The following GNB1L variants were observed in gnomAD, a reference collection of about 807,000 sequenced individuals.
GNB1L encodes the protein G protein subunit beta 1 like.
A neutral mutation model predicts 29.1 loss-of-function variants in GNB1L; 20 were observed. The observed-to-expected ratio is 0.69, with a 90% CI of 0.48 to 1.00. The LOEUF (loss-of-function observed/expected upper bound fraction) is 1.00, where lower values mean the gene tolerates loss of function less well. Among genes scored for constraint, GNB1L ranks in the 50% least tolerant of loss-of-function variants. GNB1L has a pLI of 0.00. For synonymous variants in GNB1L, 193 were observed against 206.5 expected, an observed-to-expected ratio of 0.93 and a Z score of 0.56; for missense variants, 421 against 464.9, an observed-to-expected ratio of 0.91 and a Z score of 0.87.
chr22:19,804,196 CT>C, intron 6 of GNB1L, among the ~76,000 whole-genome samples: 1 of 152,392 alleles, frequency 6.6e-6, no homozygotes, highest in East Asian at 1.9e-4. Flanking sequence ...TGCCCACAGC[CT>C]TGATGCTGCC....
chr22:19,815,479 C>T (rs1937520751), intron 4 of GNB1L, among the ~76,000 whole-genome samples: 3 of 152,182 alleles, frequency 2.0e-5, no homozygotes, highest in Admixed American at 2.0e-4. Context: ...TGGGGAGGGG[C>T]CAGGGCCAAG....
At chr22:19,849,560 T>G (rs1938047125) in intron 2 of GNB1L, 1 of 419,418 alleles carries the variant, frequency 2.4e-6, no homozygotes, top group Admixed American at 6.4e-5. Flanking sequence ...GAGAGATGGA[T>G]TTCTCCATGC....
chr22:19,820,279 C>T (rs1937567605), intron 4 of GNB1L, among the ~76,000 whole-genome samples: 1 of 152,198 alleles, frequency 6.6e-6, no homozygotes, highest in Admixed American at 6.5e-5. Flanking sequence ...CTTGTGAAGG[C>T]CCTCCCACCA....
At chr22:19,834,743 T>C (rs1052275720) in intron 2 of GNB1L, among the ~76,000 whole-genome samples, 3 of 151,510 alleles carry the variant, frequency 2.0e-5, no homozygotes, top group African/African-American at 4.9e-5. Context: ...AACAATGTTT[T>C]AAAATACCTA....
At chr22:19,794,835 G>A (rs554977980) in intron 7 of GNB1L, among the ~76,000 whole-genome samples, 3 of 152,198 alleles carry the variant, frequency 2.0e-5, no homozygotes, top group Admixed American at 6.5e-5. Context: ...ACAAAAATTA[G>A]CCGGGTGTGG....
chr22:19,809,898 C>T (rs1202026674), intron 5 of GNB1L, among the ~76,000 whole-genome samples: 2 of 152,338 alleles, frequency 1.3e-5, no homozygotes, highest in Non-Finnish European at 2.9e-5. Flanking sequence ...CCTCAGCCTC[C>T]CCAGTAGCTG....
chr22:19,853,383 T>C (rs1204179503), intron 2 of GNB1L, among the ~76,000 whole-genome samples: 3 of 151,944 alleles, frequency 2.0e-5, no homozygotes, highest in Non-Finnish European at 4.4e-5. Context: ...CAGTAGCCAG[T>C]TCTATTCCAG....
chr22:19,847,717 A>G (rs1937993453), intron 2 of GNB1L: 3 of 982,168 alleles, frequency 3.1e-6, no homozygotes, highest in Non-Finnish European at 3.6e-6. Flanking sequence ...ATTATTGTGT[A>G]TTCCCACCAA....
intron 2 of GNB1L, among the ~76,000 whole-genome samples, chr22:19,845,614 G>A (rs907797156): frequency 3.3e-5 from 5 of 152,222 alleles, no homozygotes; most frequent in Non-Finnish European, 5.9e-5. Flanking sequence ...GCCGGCCAAT[G>A]AGAACACCCC....
At position 19,847,755 on chromosome 22, in the gene GNB1L, C is replaced by G. The variant is rs1937994000; in HGVS notation, c.-21+6688G>C. 3.1e-6 allele frequency: 3 copies of G among 965,022 alleles called. No homozygotes were observed. The South Asian group carries it at 1.4e-4, about 46-fold the overall frequency. 59.8% of individuals were successfully genotyped at this position (965,022 alleles called of 1,614,324 possible). A position where few individuals can be genotyped will look rare whatever the true frequency, so the allele number is the denominator to read the frequency against. ...GTATGAGAAGGTCCACTTCTCCATA[C>G]CTCCACAACTCTGGGCATCTAAAAC... On this transcript the variant is annotated intron_variant, in intron 2 of 7. Transcript: ENST00000329517.
intron 2 of GNB1L, chr22:19,850,428 G>A: frequency 2.0e-6 from 2 of 993,644 alleles, no homozygotes; most frequent in Non-Finnish European, 2.4e-6. Context: ...CACAGCAGCA[G>A]GGAAGAGGAG....
chr22:19,804,003 C>T (rs1383163770), intron 6 of GNB1L, among the ~76,000 whole-genome samples: 1 of 152,258 alleles, frequency 6.6e-6, no homozygotes, highest in Non-Finnish European at 1.5e-5. Context: ...ATGGCCAACG[C>T]AGGGACTGTG....
At chr22:19,807,192 G>A (rs558643155) in intron 5 of GNB1L, among the ~76,000 whole-genome samples, 36 of 152,320 alleles carry the variant, frequency 2.4e-4, no homozygotes, top group African/African-American at 7.9e-4. Context: ...GGCAGCTCCG[G>A]GAAACCTGGC....
chr22:19,810,898 T>G (rs989625108), intron 5 of GNB1L, among the ~76,000 whole-genome samples: 6 of 152,172 alleles, frequency 3.9e-5, no homozygotes, highest in Admixed American at 3.9e-4. Context: ...GGAGGAGGGT[T>G]AGACAGCCTT....
At chr22:19,839,774 G>A (rs1937825782) in intron 2 of GNB1L, among the ~76,000 whole-genome samples, 1 of 152,024 alleles carries the variant, frequency 6.6e-6, no homozygotes, top group Non-Finnish European at 1.5e-5. Context: ...CACCTGCTCA[G>A]GAGGCTGAGA....
intron 2 of GNB1L, among the ~76,000 whole-genome samples, chr22:19,827,060 C>CA (rs201115872): frequency 0.019 from 2,849 of 150,880 alleles, 61 homozygotes; most frequent in South Asian, 0.084. Flanking sequence ...GATCCTGGAT[C>CA]AAAAAAAAGG....
intron 7 of GNB1L, among the ~76,000 whole-genome samples, chr22:19,796,366 C>T (rs1937306079): frequency 6.6e-6 from 1 of 152,234 alleles, no homozygotes. Flanking sequence ...TCAGTGGACA[C>T]ACGGGCCTGG....
At chr22:19,802,277 G>A in intron 6 of GNB1L, 61 bp from the exon 7 acceptor site, 5 of 1,384,218 alleles carry the variant, frequency 3.6e-6, no homozygotes, top group Non-Finnish European at 5.1e-6. Context: ...GAGTTTCGGG[G>A]GAGAAGGGGC....
chr22:19,837,904 G>T (rs1411061790), intron 2 of GNB1L, among the ~76,000 whole-genome samples: 3 of 152,196 alleles, frequency 2.0e-5, no homozygotes, highest in African/African-American at 7.2e-5. Context: ...AAAATTCTAG[G>T]AGATACAAAC....
Sources: gnomAD v4.1 joint callset for allele counts (sites outside exome capture counted in the v4.1 genomes callset) on GRCh38, gnomAD v4.1.1 for gene constraint, MANE v1.5 for transcripts, NCBI Gene and HGNC (gene_info 2026-07-23, HGNC 2026-07-21) for gene names.